The following ETV1 variants were observed in gnomAD, a reference collection of about 807,000 sequenced individuals.
The protein encoded by ETV1 is ETS variant transcription factor 1.
Under a neutral mutation model 62.3 loss-of-function variants are expected in ETV1, and 27 were observed. The ratio of observed to expected loss-of-function variants is 0.43; its 90% CI spans 0.32 to 0.60. The LOEUF is 0.60. Ranked by LOEUF, ETV1 falls within the 20% of genes least tolerant of loss-of-function variation. The pLI is 0.06. For synonymous variants in ETV1, 222 were observed against 199.6 expected (o/e 1.11, Z -0.94); for missense variants, 605 against 605.8 (o/e 1.00, Z 0.01).
chr7:13,905,292 T>C (rs930634234), intron 12 of ETV1, among the ~76,000 whole-genome samples: 3 of 152,168 alleles, frequency 2.0e-5, no homozygotes, highest in Non-Finnish European at 4.4e-5. Flanking sequence ...ATGTTCAGTG[T>C]ATATGAAAAT....
chr7:13,917,663 A>G (rs1223660753), intron 9 of ETV1, among the ~76,000 whole-genome samples: 1 of 148,722 alleles, frequency 6.7e-6, no homozygotes, highest in African/African-American at 2.5e-5. Flanking sequence ...CAATTAACAG[A>G]GGTTTAAAAG....
Position 13,927,486 on chromosome 7 carries a change from C to T in ETV1, c.802+4016G>A, listed in dbSNP as rs939799164. ...ATACAAATAAACAAAATGCTTTTTA[C>T]ATTGTTTTTAAACCACATATAAATC... On this transcript the variant is annotated intron_variant, in intron 9 of 13. Coordinates refer to ENST00000430479, the MANE Select transcript of ETV1 (RefSeq NM_004956.5). Among the ~76,000 whole-genome samples, 8 of 152,224 alleles carry T rather than the reference C, an allele frequency of 5.3e-5. No individual in the cohort carries two copies. The Middle Eastern group carries it at 0.014, about 259-fold the overall frequency.
At chr7:13,917,566 CT>C in intron 9 of ETV1, among the ~76,000 whole-genome samples, 1 of 152,126 alleles carries the variant, frequency 6.6e-6, no homozygotes, top group Middle Eastern at 3.4e-3. Flanking sequence ...GATCTGCCGT[CT>C]TGGCCTCCCA....
chr7:13,906,656 A>T, intron 11 of ETV1, 57 bp from the exon 12 acceptor site: 1 of 1,294,570 alleles, frequency 7.7e-7, no homozygotes, highest in Non-Finnish European at 1.0e-6. Context: ...ATCTTACATA[A>T]AATGTACATT....
chr7:13,896,630 TC>T (rs1781803413), intron 13 of ETV1, among the ~76,000 whole-genome samples: 1 of 144,664 alleles, frequency 6.9e-6, no homozygotes, highest in Non-Finnish European at 1.5e-5. Context: ...TTACTTTTTT[TC>T]TTTTTTGGCA....
At chr7:13,908,634 A>T (rs1160318408) in intron 11 of ETV1, among the ~76,000 whole-genome samples, 1 of 152,146 alleles carries the variant, frequency 6.6e-6, no homozygotes, top group African/African-American at 2.4e-5. Context: ...AAGGAGGATA[A>T]AGAAGCAGAT....
chr7:13,937,508 G>A (rs1158948100), intron 7 of ETV1, among the ~76,000 whole-genome samples: 1 of 152,126 alleles, frequency 6.6e-6, no homozygotes, highest in Non-Finnish European at 1.5e-5. Flanking sequence ...AAATATTCAG[G>A]CAATTCCTTT....
At chr7:13,982,801 C>T (rs1782128809) in intron 5 of ETV1, among the ~76,000 whole-genome samples, 1 of 151,716 alleles carries the variant, frequency 6.6e-6, no homozygotes, top group Non-Finnish European at 1.5e-5. Flanking sequence ...GAGCACATAA[C>T]CAATTTTATG....
chr7:13,965,166 TAC>T (rs1283823326), intron 6 of ETV1, among the ~76,000 whole-genome samples: 1 of 152,146 alleles, frequency 6.6e-6, no homozygotes, highest in Non-Finnish European at 1.5e-5. Context: ...AACGCATAAA[TAC>T]ACAGTGTTAT....
At chr7:13,939,693 T>A (rs1054544142) in intron 6 of ETV1, among the ~76,000 whole-genome samples, 1 of 152,202 alleles carries the variant, frequency 6.6e-6, no homozygotes, top group Non-Finnish European at 1.5e-5. Context: ...AATAGTTTAA[T>A]GAAATGACAA....
At chr7:13,990,995 TA>T (rs1782978312), upstream of ETV1, 2 of 152,286 alleles carry the variant, frequency 1.3e-5, no homozygotes, top group African/African-American at 2.4e-5. Context: ...AAGATCTACT[TA>T]AAAAAGAAGC....
intron 4 of ETV1, 73 bp from the exon 5 acceptor site, chr7:13,986,758 A>T: frequency 9.2e-7 from 1 of 1,091,946 alleles, no homozygotes; most frequent in Non-Finnish European, 1.3e-6. Flanking sequence ...AATATTTGTC[A>T]TGAAATTGGT....
chr7:13,936,894 T>A (rs1786865405), intron 7 of ETV1, among the ~76,000 whole-genome samples: 1 of 151,842 alleles, frequency 6.6e-6, no homozygotes, highest in South Asian at 2.1e-4. Flanking sequence ...TACAAAAAAT[T>A]AGCTGGGCGT....
chr7:13,987,809 C>G (rs1782680856), intron 4 of ETV1, among the ~76,000 whole-genome samples: 2 of 151,982 alleles, frequency 1.3e-5, no homozygotes, highest in African/African-American at 4.8e-5. Flanking sequence ...GTTATATGCC[C>G]CATGGACAAA....
intron 13 of ETV1, among the ~76,000 whole-genome samples, chr7:13,896,743 G>GGAAAGAAAGAAAGAAAGAA (rs1554288440): frequency 2.3e-4 from 27 of 115,302 alleles, no homozygotes; most frequent in Admixed American, 3.9e-4. Flanking sequence ...AAGAAAGAAA[G>GGAAAGAAAGAAAGAAAGAA]GAAAGAAAGA....
At chr7:13,953,945 T>A (rs1415441959) in intron 6 of ETV1, among the ~76,000 whole-genome samples, 2 of 152,174 alleles carry the variant, frequency 1.3e-5, no homozygotes, top group Admixed American at 6.5e-5. Flanking sequence ...GATCTTTAAT[T>A]TTCCTTTTTT....
chr7:13,907,854 A>C, intron 11 of ETV1: 2 of 470,560 alleles, frequency 4.3e-6, no homozygotes, highest in Non-Finnish European at 8.8e-6. Context: ...ACATTTGAAA[A>C]ACCTAAACCA....
chr7:13,896,144 C>A, intron 13 of ETV1, 57 bp from the exon 14 acceptor site: 1 of 1,477,916 alleles, frequency 6.8e-7, no homozygotes, highest in Non-Finnish European at 9.3e-7. Flanking sequence ...TGGGGAAGGA[C>A]AGGAAGGAAA....
At chr7:13,914,059 A>G (rs551565766) in intron 9 of ETV1, among the ~76,000 whole-genome samples, 3 of 151,560 alleles carry the variant, frequency 2.0e-5, no homozygotes, top group South Asian at 2.1e-4. Context: ...AATTTTTTGT[A>G]TTTTTAGTAG....
Sources: gnomAD v4.1 joint callset for allele counts (sites outside exome capture counted in the v4.1 genomes callset) on GRCh38, gnomAD v4.1.1 for gene constraint, MANE v1.5 for transcripts, NCBI Gene and HGNC (gene_info 2026-07-23, HGNC 2026-07-21) for gene names.